Variants in COLEC10 observed in about 807,000 individuals in gnomAD.
The protein encoded by COLEC10 is collectin subfamily member 10, also known as collectin-10.
COLEC10 carries 22 observed loss-of-function variants against 28.4 expected under a neutral mutation model. That is an observed-to-expected ratio of 0.78 (90% CI 0.55 to 1.11). The LOEUF (loss-of-function observed/expected upper bound fraction) is 1.11, where lower values mean the gene tolerates loss of function less well. Ranked by LOEUF, COLEC10 falls within the 50% of genes least tolerant of loss-of-function variation. The pLI, the probability that COLEC10 is intolerant of heterozygous loss-of-function variation, is 0.00. For synonymous variants in COLEC10, 125 were observed against 116.1 expected (o/e 1.08, Z -0.49); for missense variants, 361 against 344.1 (o/e 1.05, Z -0.39).
chr8:118,989,105 T>C, the COLEC10 span, among the ~76,000 whole-genome samples: 1 of 152,074 alleles, frequency 6.6e-6, no homozygotes, highest in Non-Finnish European at 1.5e-5. Context: ...AAGGCACTAA[T>C]GGAAAAATAA....
At chr8:119,058,852 A>C (rs1357247626) in intron 2 of COLEC10, among the ~76,000 whole-genome samples, 1 of 152,120 alleles carries the variant, frequency 6.6e-6, no homozygotes, top group Admixed American at 6.6e-5. Context: ...CTGTTTTCAA[A>C]AGTGACTGTA....
At chr8:119,075,015 G>A (rs1463635221) in intron 1 of COLEC10, among the ~76,000 whole-genome samples, 1 of 152,184 alleles carries the variant, frequency 6.6e-6, no homozygotes, top group Non-Finnish European at 1.5e-5. Flanking sequence ...CTGTAAATAA[G>A]AGCAAACCAT....
chr8:119,035,123 T>A (rs537126632), intron 2 of COLEC10, among the ~76,000 whole-genome samples: 2 of 152,304 alleles, frequency 1.3e-5, no homozygotes, highest in African/African-American at 4.8e-5. Context: ...ACATGCTGCA[T>A]CAATTTGCAA....
chr8:119,079,075 G>C (rs1815316372), intron 1 of COLEC10, among the ~76,000 whole-genome samples: 1 of 150,632 alleles, frequency 6.6e-6, no homozygotes, highest in African/African-American at 2.4e-5. Flanking sequence ...TGCATGACAG[G>C]GTAAGGTCTC....
At chr8:118,992,810 A>G (rs1473008400), upstream of COLEC10, among the ~76,000 whole-genome samples, 2 of 152,172 alleles carry the variant, frequency 1.3e-5, no homozygotes, top group East Asian at 1.9e-4. Context: ...CAAACATTAT[A>G]CCATAAACAA....
intron 1 of COLEC10, among the ~76,000 whole-genome samples, chr8:119,084,087 C>T (rs1396018074): frequency 6.6e-6 from 1 of 152,166 alleles, no homozygotes; most frequent in South Asian, 2.1e-4. Flanking sequence ...ACAAAGAAAG[C>T]TTCCCCTAAA....
chr8:119,107,831 G>A lies in COLEC10; in HGVS notation c.*1640G>A, dbSNP rs1298164210. ...ATTTCAAGAGAAGTCAGAAAGCTGG[G>A]ACTTTGTAACATAAGCTCATATTTT... is the stretch of plus-strand genomic sequence containing the variant. On this transcript the variant is annotated 3_prime_UTR_variant, in exon 6 of 6. Coordinates refer to ENST00000332843, the MANE Select transcript of COLEC10 (RefSeq NM_006438.5). Among the ~76,000 whole-genome samples, 11 of 152,152 alleles carry A rather than the reference G, an allele frequency of 7.2e-5. No homozygotes were observed. Among genetic ancestry groups the A allele is most frequent in the Admixed American group, 7.2e-4 (11 of 15,248 alleles).
At chr8:119,043,361 C>T (rs1814531105) in intron 2 of COLEC10, among the ~76,000 whole-genome samples, 1 of 152,112 alleles carries the variant, frequency 6.6e-6, no homozygotes, top group Non-Finnish European at 1.5e-5. Flanking sequence ...GAGAATTTGC[C>T]TAAAAATTGA....
At chr8:119,003,349 C>T (rs894311523) in intron 1 of COLEC10, among the ~76,000 whole-genome samples, 5 of 151,922 alleles carry the variant, frequency 3.3e-5, no homozygotes, top group East Asian at 1.9e-4. Flanking sequence ...TCTAGTTTGC[C>T]GGTTTTTAGG....
intron 3 of COLEC10, among the ~76,000 whole-genome samples, chr8:119,094,751 AACTCCAGAAATACT>A (rs1362737360): frequency 3.3e-5 from 5 of 152,216 alleles, no homozygotes; most frequent in African/African-American, 1.2e-4. Flanking sequence ...TCCCAGTTAG[AACTCCAGAAATACT>A]ACTCCAGAAA....
chr8:119,067,930 A>G (rs543463234), intron 1 of COLEC10: 1 of 152,560 alleles, frequency 6.6e-6, no homozygotes, highest in East Asian at 1.9e-4. Context: ...CATTTTGTCA[A>G]GCATTGAAGG....
chr8:119,092,066 ATTT>A (rs34152820), intron 3 of COLEC10, among the ~76,000 whole-genome samples: 26 of 124,444 alleles, frequency 2.1e-4, no homozygotes, highest in East Asian at 1.7e-3. Context: ...TCTTGTCCTA[ATTT>A]TTTTTTTTTT....
At chr8:119,103,959 G>A (rs2130309299) in intron 5 of COLEC10, 64 bp downstream of exon 5, 1 of 1,076,462 alleles carries the variant, frequency 9.3e-7, no homozygotes, top group Non-Finnish European at 1.4e-6. Flanking sequence ...TACAATTCCA[G>A]TACTCTTAGA....
At chr8:119,079,426 T>A (rs997015997) in intron 1 of COLEC10, among the ~76,000 whole-genome samples, 1 of 152,174 alleles carries the variant, frequency 6.6e-6, no homozygotes, top group Non-Finnish European at 1.5e-5. Flanking sequence ...TCTTAACAAC[T>A]GCATTGCATT....
At chr8:119,013,166 T>C (rs1813930623) in intron 2 of COLEC10, among the ~76,000 whole-genome samples, 1 of 150,658 alleles carries the variant, frequency 6.6e-6, no homozygotes, top group African/African-American at 2.5e-5. Flanking sequence ...GTTGTATTTT[T>C]ATTTTCATTT....
the COLEC10 span, among the ~76,000 whole-genome samples, chr8:118,953,534 G>A: frequency 6.6e-6 from 1 of 152,170 alleles, no homozygotes; most frequent in Non-Finnish European, 1.5e-5. Context: ...ATCAATAACT[G>A]AGTCCTTCAG....
intron 2 of COLEC10, among the ~76,000 whole-genome samples, chr8:119,035,456 T>C (rs1814373473): frequency 6.6e-6 from 1 of 152,222 alleles, no homozygotes. Flanking sequence ...TACATGAAGA[T>C]GCTAATTTCC....
In COLEC10 at chr8:119,085,599, C is replaced by CTTTTTTTTTTTTTTTTTTTTTTTTTTTT. The variant is rs66829005; in HGVS notation, c.149-4058_149-4057insTTTTTTTTTTTTTTTTTTTTTTTTTTTT. ...TTCTTTCTTCTTCTTTCTTCTTCTT[C>CTTTTTTTTTTTTTTTTTTTTTTTTTTTT]TTTTTTTTTTTTTTTTTTTTTTTGT... is the stretch of plus-strand genomic sequence containing the variant. On this transcript the variant is annotated intron_variant, in intron 1 of 5. Coordinates refer to ENST00000332843, the MANE Select transcript of COLEC10 (RefSeq NM_006438.5). Among the ~76,000 whole-genome samples, 7 of 63,550 alleles carry CTTTTTTTTTTTTTTTTTTTTTTTTTTTT rather than the reference C, an allele frequency of 1.1e-4. 1 individual carries two copies. Among genetic ancestry groups the CTTTTTTTTTTTTTTTTTTTTTTTTTTTT allele is most frequent in the African/African-American group, 1.4e-4 (3 of 20,726 alleles). The allele number at this position is 63,550 out of a possible 152,430, so 41.7% of individuals were successfully genotyped here. A position where few individuals can be genotyped will look rare whatever the true frequency, so the allele number is the denominator to read the frequency against.
intron 3 of COLEC10, among the ~76,000 whole-genome samples, chr8:119,096,881 G>C (rs938942243): frequency 6.6e-6 from 1 of 152,014 alleles, no homozygotes; most frequent in Non-Finnish European, 1.5e-5. Context: ...ACAATATCTA[G>C]TGTTGGTAAG....
Sources: allele counts gnomAD v4.1 joint callset (sites outside exome capture counted in the v4.1 genomes callset), GRCh38; gene constraint gnomAD v4.1.1; transcripts MANE v1.5; gene names NCBI Gene and HGNC (gene_info 2026-07-23, HGNC 2026-07-21).